The following KSR2 variants were observed in gnomAD, a reference collection of about 807,000 sequenced individuals.
KSR2 encodes the protein kinase suppressor of ras 2.
In KSR2, 25 loss-of-function variants were observed where a neutral mutation model predicts 107.8. The ratio of observed to expected loss-of-function variants is 0.23; its 90% CI spans 0.17 to 0.32. The LOEUF is 0.32. Among genes scored for constraint, KSR2 ranks in the 10% least tolerant of loss-of-function variants. The pLI is 1.00. For synonymous variants in KSR2, 480 were observed against 507.0 expected (o/e 0.95, Z 0.71); for missense variants, 887 against 1,268.9 (o/e 0.70, Z 4.57).
chr12:117,846,680 G>A (rs1047418503), intron 3 of KSR2, among the ~76,000 whole-genome samples: 2 of 152,198 alleles, frequency 1.3e-5, no homozygotes, highest in African/African-American at 4.8e-5. Context: ...TGTGATGATG[G>A]GGATGTTCTA....
intron 5 of KSR2, among the ~76,000 whole-genome samples, chr12:117,614,519 C>T (rs2136324240): frequency 2.0e-5 from 3 of 152,244 alleles, no homozygotes; most frequent in Middle Eastern, 3.4e-3. Flanking sequence ...GTTCAGAACT[C>T]CAGTTCATTA....
intron 5 of KSR2, among the ~76,000 whole-genome samples, chr12:117,632,218 C>CTTTTTTT (rs544594793): frequency 5.0e-4 from 42 of 84,062 alleles, no homozygotes; most frequent in African/African-American, 7.2e-4. Flanking sequence ...AGTCCTACTC[C>CTTTTTTT]TTTTTTTTTT....
intron 4 of KSR2, among the ~76,000 whole-genome samples, chr12:117,705,629 C>T (rs1886493584): frequency 6.6e-6 from 1 of 152,202 alleles, no homozygotes; most frequent in Non-Finnish European, 1.5e-5. Flanking sequence ...GTTCCATCTG[C>T]TTCATTACTG....
chr12:117,677,893 G>A (rs1156641449), intron 4 of KSR2, among the ~76,000 whole-genome samples: 1 of 152,120 alleles, frequency 6.6e-6, no homozygotes, highest in African/African-American at 2.4e-5. Context: ...CTTGCAGGTG[G>A]TTCCATCTCA....
In KSR2 at chr12:117,805,227, A is replaced by C. The variant is rs551439217; in HGVS notation, c.473-43703T>G. Among the ~76,000 whole-genome samples the C allele has an allele frequency of 2.0e-5, 3 of 152,340 alleles. No homozygotes were observed. In the East Asian group the frequency reaches 5.8e-4, roughly 29 times the overall value. On this transcript the variant is annotated intron_variant, in intron 3 of 19. Coordinates refer to ENST00000339824, the MANE Select transcript of KSR2 (RefSeq NM_173598.6). ...ACTTCTTGTTAAATGCTAATCTCCC[A>C]CACACACCTTTTTAGGGACTAACTT...
At chr12:117,833,293 C>T (rs1892054811) in intron 3 of KSR2, among the ~76,000 whole-genome samples, 1 of 152,176 alleles carries the variant, frequency 6.6e-6, no homozygotes, top group African/African-American at 2.4e-5. Flanking sequence ...TGGACCAATG[C>T]CTTATACATA....
At chr12:117,931,839 G>C (rs1895702836) in intron 1 of KSR2, among the ~76,000 whole-genome samples, 1 of 152,150 alleles carries the variant, frequency 6.6e-6, no homozygotes, top group South Asian at 2.1e-4. Context: ...TCACATACAG[G>C]ACACTGAGCT....
intron 1 of KSR2, among the ~76,000 whole-genome samples, chr12:117,938,260 A>G (rs1895905101): frequency 6.6e-6 from 1 of 152,132 alleles, no homozygotes; most frequent in South Asian, 2.1e-4. Flanking sequence ...ATTTCCACAC[A>G]TGCCAGACTG....
intron 3 of KSR2, among the ~76,000 whole-genome samples, chr12:117,826,008 TGGATGGATGCATGGAG>T (rs1891734475): frequency 1.3e-5 from 2 of 150,386 alleles, no homozygotes; most frequent in South Asian, 4.2e-4. Flanking sequence ...GGTGGGTGGA[TGGATGGATGCATGGAG>T]GGATGGATGG....
chr12:117,754,329 T>C (rs192504800), intron 4 of KSR2, among the ~76,000 whole-genome samples: 2 of 152,154 alleles, frequency 1.3e-5, no homozygotes, highest in Non-Finnish European at 1.5e-5. Flanking sequence ...GCACCAAGGA[T>C]AAGGGGCCTA....
chr12:117,477,094 G>T (rs1871836933), intron 16 of KSR2, among the ~76,000 whole-genome samples: 1 of 152,146 alleles, frequency 6.6e-6, no homozygotes, highest in African/African-American at 2.4e-5. Flanking sequence ...CCTACGAACA[G>T]GTGCCAGAGT....
At chr12:117,879,025 T>C (rs553810969) in intron 1 of KSR2, among the ~76,000 whole-genome samples, 13 of 152,256 alleles carry the variant, frequency 8.5e-5, no homozygotes, top group Non-Finnish European at 1.5e-4. Context: ...CACTGGTCAT[T>C]ATGCGACCTC....
intron 14 of KSR2, among the ~76,000 whole-genome samples, chr12:117,489,859 G>A (rs577038489): frequency 6.6e-6 from 1 of 152,142 alleles, no homozygotes; most frequent in Admixed American, 6.5e-5. Context: ...GGGCGGCCCC[G>A]GCAAGTCAGT....
intron 3 of KSR2, among the ~76,000 whole-genome samples, chr12:117,839,245 G>C (rs563119011): frequency 6.6e-6 from 1 of 152,180 alleles, no homozygotes; most frequent in Non-Finnish European, 1.5e-5. Context: ...TCATTTGTTC[G>C]TTAATTCATT....
chr12:117,499,991 A>G (rs190116482), intron 14 of KSR2, among the ~76,000 whole-genome samples: 2 of 152,268 alleles, frequency 1.3e-5, no homozygotes, highest in East Asian at 3.9e-4. Flanking sequence ...CTGGGGCTGA[A>G]TCAACCCTGG....
At chr12:117,567,574 A>G (rs1044079651) in intron 7 of KSR2, among the ~76,000 whole-genome samples, 1 of 151,908 alleles carries the variant, frequency 6.6e-6, no homozygotes, top group Non-Finnish European at 1.5e-5. Context: ...AAAGGGCAGC[A>G]AAGTTCCCCT....
chr12:117,606,687 C>T (rs1881297433), intron 5 of KSR2, among the ~76,000 whole-genome samples: 1 of 143,710 alleles, frequency 7.0e-6, no homozygotes, highest in Non-Finnish European at 1.5e-5. Context: ...TCCCTGCCTG[C>T]CTCCCTTCCT....
chr12:117,601,298 G>GGA (rs1283315026), intron 5 of KSR2, among the ~76,000 whole-genome samples: 1 of 142,970 alleles, frequency 7.0e-6, no homozygotes, highest in South Asian at 2.2e-4. Context: ...AAGATCTTGG[G>GGA]GGGGGGGGTA....
At chr12:117,578,028 C>T (rs1253984670) in intron 7 of KSR2, among the ~76,000 whole-genome samples, 1 of 152,132 alleles carries the variant, frequency 6.6e-6, no homozygotes, top group Non-Finnish European at 1.5e-5. Context: ...TCCTCCCTAC[C>T]TTTTGCTAGC....
Sources: allele counts gnomAD v4.1 joint callset (sites outside exome capture counted in the v4.1 genomes callset), GRCh38; gene constraint gnomAD v4.1.1; transcripts MANE v1.5; gene names NCBI Gene and HGNC (gene_info 2026-07-23, HGNC 2026-07-21).